Variants in NDUFV2 observed in about 807,000 individuals in gnomAD.
NDUFV2 encodes NADH:ubiquinone oxidoreductase core subunit V2, also known as NADH dehydrogenase [ubiquinone] flavoprotein 2, mitochondrial.
Under a neutral mutation model 31.6 loss-of-function variants are expected in NDUFV2, and 18 were observed. That is an observed-to-expected ratio of 0.57 (90% CI 0.39 to 0.84). NDUFV2 has a LOEUF of 0.84. Among genes scored for constraint, NDUFV2 ranks in the 40% least tolerant of loss-of-function variants. The pLI is 0.00. For synonymous variants in NDUFV2, 83 were observed against 99.8 expected, an observed-to-expected ratio of 0.83 and a Z score of 1.01; for missense variants, 314 against 303.6, an observed-to-expected ratio of 1.03 and a Z score of -0.26.
intron 1 of NDUFV2, among the ~76,000 whole-genome samples, chr18:9,114,510 T>A (rs1262659372): frequency 6.6e-6 from 1 of 151,664 alleles, no homozygotes; most frequent in Non-Finnish European, 1.5e-5. Flanking sequence ...CAGGTGATAA[T>A]GCTTTACAGG....
chr18:9,102,796 G>T lies in NDUFV2; in HGVS notation c.53G>T (p.Trp18Leu). The T allele has an allele frequency of 6.4e-7, 1 of 1,568,136 alleles. No individual in the cohort carries two copies. The highest frequency in any genetic ancestry group is 8.6e-7 in the Non-Finnish European group (1 of 1,158,734). The change falls in exon 1 of 8, where the codon TGG becomes TTG. Residue 18 changes from tryptophan to leucine, a missense_variant and splice_region_variant. Trp to Leu is a moderately conservative substitution (Grantham distance 61). Transcript: ENST00000318388. ...CGGGCGGCTGGCCTCACCGCCCACT[G>T]GGTAAGGAGGCTCAAGCTGAGCCCG... ...RARAAGLTAH[W>L]GRHVRNLHKT...
chr18:9,129,920 T>C (rs1023907755), intron 7 of NDUFV2, among the ~76,000 whole-genome samples: 1 of 152,238 alleles, frequency 6.6e-6, no homozygotes, highest in Non-Finnish European at 1.5e-5. Context: ...TTAGTAGATA[T>C]GTGGGACTAA....
intron 7 of NDUFV2, among the ~76,000 whole-genome samples, chr18:9,128,612 C>A (rs1335333469): frequency 2.0e-5 from 3 of 152,140 alleles, no homozygotes; most frequent in African/African-American, 7.2e-5. Flanking sequence ...AGTCATCTAT[C>A]ATTACAGTAT....
At chr18:9,120,483 A>G (rs1231740119) in intron 4 of NDUFV2, among the ~76,000 whole-genome samples, 1 of 152,148 alleles carries the variant, frequency 6.6e-6, no homozygotes, top group Non-Finnish European at 1.5e-5. Context: ...ACTGACTATA[A>G]CAGAGATTTT....
intron 1 of NDUFV2, chr18:9,112,813 A>G (rs969876131): frequency 1.3e-5 from 2 of 152,224 alleles, no homozygotes; most frequent in African/African-American, 4.8e-5. Flanking sequence ...TTTAAATGTA[A>G]TACATATAAT....
chr18:9,119,299 G>A (rs772234311), intron 2 of NDUFV2, 27 bp from the exon 3 acceptor site: 2 of 1,572,654 alleles, frequency 1.3e-6, no homozygotes, highest in South Asian at 1.1e-5. Context: ...ATTTGGATAA[G>A]TCTGAAAAAC....
intron 1 of NDUFV2, chr18:9,105,110 C>T (rs1396740): frequency 0.8 from 794,958 of 994,534 alleles, 319,570 homozygotes; most frequent in Middle Eastern, 0.87. Context: ...ATTACTTATA[C>T]AACCAGGCCC....
At chr18:9,113,010 A>T (rs188105091) in intron 1 of NDUFV2, among the ~76,000 whole-genome samples, 13 of 152,298 alleles carry the variant, frequency 8.5e-5, no homozygotes, top group African/African-American at 3.1e-4. Context: ...GGGATGTATC[A>T]CTGTTATCTA....
Position 9,110,478 on chromosome 18 carries a change from C to G in NDUFV2, c.55-7360C>G, listed in dbSNP as rs564634500. Among the ~76,000 whole-genome samples the G allele has an allele frequency of 4.6e-5, 7 of 152,088 alleles. No individual in the cohort carries two copies. The East Asian group carries it at 5.8e-4, about 13-fold the overall frequency. On this transcript the variant is annotated intron_variant, in intron 1 of 7. Coordinates refer to ENST00000318388, the MANE Select transcript of NDUFV2 (RefSeq NM_021074.5). ...GCTAAGATTTATCAGTTTATCTTCA[C>G]TATTTAGTTTGTTTCTTTCTTTATT...
chr18:9,124,656 G>A (rs929880260), intron 5 of NDUFV2, among the ~76,000 whole-genome samples: 1 of 151,412 alleles, frequency 6.6e-6, no homozygotes, highest in Admixed American at 6.6e-5. Context: ...CACCATGTTA[G>A]CCAGGATGGT....
intron 7 of NDUFV2, among the ~76,000 whole-genome samples, chr18:9,127,957 C>G (rs2078006115): frequency 6.6e-6 from 1 of 152,200 alleles, no homozygotes; most frequent in African/African-American, 2.4e-5. Flanking sequence ...ATCCAGGTTG[C>G]TCCCGTCCCA....
chr18:9,116,450 C>T (rs2077898542), intron 1 of NDUFV2, among the ~76,000 whole-genome samples: 1 of 152,098 alleles, frequency 6.6e-6, no homozygotes, highest in South Asian at 2.1e-4. Flanking sequence ...AAAAAATTTT[C>T]TGAGCTAAGA....
chr18:9,122,535 C>G lies in NDUFV2; in HGVS notation c.323C>G (p.Pro108Arg), dbSNP rs778975791. The change falls in exon 5 of 8, where the codon CCT becomes CGT. Residue 108 changes from proline to arginine, a missense_variant. By Grantham distance (103) the Pro-to-Arg change is moderately radical. Transcript: ENST00000318388. ...MNKVAEVLQV[P>R]PMRVYEVATF... is the part of the protein sequence containing the mutation. ...TAGGTTGCAGAAGTTTTACAAGTAC[C>G]TCCAATGAGAGTATATGAAGTAGCA... The G allele has an allele frequency of 3.7e-6, 6 of 1,613,656 alleles. No individual in the cohort carries two copies. In the South Asian group the frequency reaches 6.6e-5, roughly 18 times the overall value.
At chr18:9,107,298 T>G (rs973423643) in intron 1 of NDUFV2, among the ~76,000 whole-genome samples, 2 of 152,238 alleles carry the variant, frequency 1.3e-5, no homozygotes, top group African/African-American at 4.8e-5. Flanking sequence ...GGGCACTGTT[T>G]AGTACCTTAG....
At chr18:9,129,573 G>T (rs560337440) in intron 7 of NDUFV2, among the ~76,000 whole-genome samples, 30 of 152,260 alleles carry the variant, frequency 2.0e-4, no homozygotes, top group African/African-American at 6.3e-4. Context: ...GATAGATAGG[G>T]AGTAAATTTA....
At chr18:9,117,774 T>G (rs2077906311) in intron 1 of NDUFV2, 64 bp from the exon 2 acceptor site, 6 of 911,714 alleles carry the variant, frequency 6.6e-6, no homozygotes, top group Non-Finnish European at 1.1e-5. Context: ...TCCTAAAGTA[T>G]TTCTTTATGA....
intron 7 of NDUFV2, among the ~76,000 whole-genome samples, chr18:9,130,029 A>G (rs1171405967): frequency 6.6e-6 from 1 of 152,136 alleles, no homozygotes; most frequent in Non-Finnish European, 1.5e-5. Flanking sequence ...TGGGGAAGAA[A>G]AGTCAAATTT....
At chr18:9,115,867 A>G (rs903314302) in intron 1 of NDUFV2, 1 of 152,238 alleles carries the variant, frequency 6.6e-6, no homozygotes, top group African/African-American at 2.4e-5. Flanking sequence ...TCCAAAAAAA[A>G]AAAAAGACAC....
Position 9,124,903 on chromosome 18 carries a change from A to G in NDUFV2, c.499A>G (p.Lys167Glu). The change falls in exon 6 of 8, where the codon AAA becomes GAA. Residue 167 changes from lysine to glutamate, a missense_variant. Physicochemically the swap from Lys to Glu is moderately conservative, Grantham distance 56. Transcript: ENST00000318388. ...AAAGGTTGGGGAGACTACACCTGAC[A>G]AACTTTTCACTCTTATAGAAGTGGA... ...GIKVGETTPD[K>E]LFTLIEVECL... 1 of 1,613,112 alleles carries G rather than the reference A, an allele frequency of 6.2e-7. No homozygotes were observed. The highest frequency in any genetic ancestry group is 8.5e-7 in the Non-Finnish European group (1 of 1,179,592).
Sources: gnomAD v4.1 joint callset for allele counts (sites outside exome capture counted in the v4.1 genomes callset) on GRCh38, gnomAD v4.1.1 for gene constraint, MANE v1.5 for transcripts, NCBI Gene and HGNC (gene_info 2026-07-23, HGNC 2026-07-21) for gene names.